Variants in MACROD2 observed in about 807,000 individuals in gnomAD.
MACROD2 encodes the protein mono-ADP ribosylhydrolase 2.
A neutral mutation model predicts 70.4 loss-of-function variants in MACROD2; 36 were observed. That is an observed-to-expected ratio of 0.51 (90% CI 0.39 to 0.68). The LOEUF is 0.68. Ranked by LOEUF, MACROD2 falls within the 30% of genes least tolerant of loss-of-function variation. The pLI is 0.00. For missense variants in MACROD2, 496 were observed against 538.4 expected (o/e 0.92, Z 0.78); for synonymous variants, 172 against 178.8 (o/e 0.96, Z 0.30).
At chr20:14,373,318 G>T (rs1020933123) in intron 3 of MACROD2, among the ~76,000 whole-genome samples, 1 of 152,034 alleles carries the variant, frequency 6.6e-6, no homozygotes. Context: ...TTTTTAATAT[G>T]AGATGAAATG....
intron 15 of MACROD2, among the ~76,000 whole-genome samples, chr20:16,040,671 C>T (rs1251137553): frequency 2.0e-5 from 3 of 151,886 alleles, no homozygotes; most frequent in African/African-American, 4.8e-5. Context: ...CTCAGCAATC[C>T]GAAATGGCAG....
intron 5 of MACROD2, among the ~76,000 whole-genome samples, chr20:14,745,077 T>G (rs1338510652): frequency 2.0e-5 from 3 of 152,180 alleles, no homozygotes; most frequent in African/African-American, 7.2e-5. Flanking sequence ...ATTAGATTTC[T>G]TCTGAATCAT....
intron 3 of MACROD2, among the ~76,000 whole-genome samples, chr20:14,466,628 G>A (rs557309200): frequency 8.6e-5 from 13 of 152,046 alleles, no homozygotes; most frequent in African/African-American, 7.2e-5. Flanking sequence ...TAGAGTTTCC[G>A]GTTTTTCTGC....
chr20:14,788,297 G>T (rs2072399813), intron 5 of MACROD2, among the ~76,000 whole-genome samples: 1 of 151,992 alleles, frequency 6.6e-6, no homozygotes, highest in African/African-American at 2.4e-5. Flanking sequence ...TATTAAGAAG[G>T]ACTGTGGCCC....
At chr20:15,914,805 C>A (rs779424563) in intron 10 of MACROD2, among the ~76,000 whole-genome samples, 18 of 152,178 alleles carry the variant, frequency 1.2e-4, no homozygotes, top group Non-Finnish European at 2.2e-4. Context: ...GTCCAGGCAA[C>A]CTGTACTTCT....
At chr20:15,164,414 A>G (rs6034118) in intron 5 of MACROD2, among the ~76,000 whole-genome samples, 2,437 of 152,270 alleles carry the variant, frequency 0.016, 57 homozygotes, top group African/African-American at 0.055. Flanking sequence ...AACCAACCCC[A>G]CAAAGACAGG....
At chr20:15,086,828 C>A (rs2075752357) in intron 5 of MACROD2, among the ~76,000 whole-genome samples, 1 of 152,022 alleles carries the variant, frequency 6.6e-6, no homozygotes, top group Admixed American at 6.6e-5. Context: ...AGTTCAAGAT[C>A]CCCCGCTTAC....
intron 2 of MACROD2, among the ~76,000 whole-genome samples, chr20:14,076,037 A>C (rs1156424972): frequency 6.6e-6 from 1 of 152,230 alleles, no homozygotes; most frequent in Admixed American, 6.5e-5. Flanking sequence ...AATTTGTTCC[A>C]TTTATCAAGA....
chr20:15,597,821 G>A (rs6079899), intron 8 of MACROD2, among the ~76,000 whole-genome samples: 13,828 of 152,270 alleles, frequency 0.091, 771 homozygotes, highest in East Asian at 0.19. Context: ...GCTCACGCCT[G>A]TAGTCCCAGC....
chr20:14,192,653 G>T (rs1385669357), intron 3 of MACROD2, among the ~76,000 whole-genome samples: 1 of 152,150 alleles, frequency 6.6e-6, no homozygotes. Context: ...TGCCCAAACA[G>T]GTGGATAATG....
chr20:14,086,118 T>C, intron 3 of MACROD2: 1 of 289,276 alleles, frequency 3.5e-6, no homozygotes, highest in Non-Finnish European at 7.1e-6. Context: ...TGTCAGGTGA[T>C]GATTGAACTA....
At chr20:14,209,199 C>T (rs1463736774) in intron 3 of MACROD2, among the ~76,000 whole-genome samples, 1 of 152,304 alleles carries the variant, frequency 6.6e-6, no homozygotes, top group African/African-American at 2.4e-5. Context: ...AGCTTACTTG[C>T]ATAATCATTT....
chr20:14,853,971 T>C (rs1344512987), intron 5 of MACROD2, among the ~76,000 whole-genome samples: 2 of 152,136 alleles, frequency 1.3e-5, no homozygotes, highest in African/African-American at 2.4e-5. Flanking sequence ...GTGTATTTTG[T>C]GTCTGTTAAG....
chr20:14,111,242 A>G (rs995800810), intron 3 of MACROD2, among the ~76,000 whole-genome samples: 1 of 151,892 alleles, frequency 6.6e-6, no homozygotes, highest in Non-Finnish European at 1.5e-5. Context: ...AAAGACTTAA[A>G]TCTGACTATG....
intron 6 of MACROD2, among the ~76,000 whole-genome samples, chr20:15,312,177 G>T (rs1283103077): frequency 6.6e-6 from 1 of 152,160 alleles, no homozygotes; most frequent in Non-Finnish European, 1.5e-5. Context: ...AAAACTACTT[G>T]TAGGAATTTA....
intron 5 of MACROD2, among the ~76,000 whole-genome samples, chr20:15,072,074 T>G (rs2075623173): frequency 6.6e-6 from 1 of 152,214 alleles, no homozygotes; most frequent in South Asian, 2.1e-4. Flanking sequence ...CTCTTAAAAC[T>G]GACATTACTT....
intron 8 of MACROD2, among the ~76,000 whole-genome samples, chr20:15,656,253 G>C (rs2049728984): frequency 6.6e-6 from 1 of 152,082 alleles, no homozygotes; most frequent in African/African-American, 2.4e-5. Context: ...TTGATAACAG[G>C]GCTAACTAGT....
intron 3 of MACROD2, among the ~76,000 whole-genome samples, chr20:14,434,463 C>G (rs2084032509): frequency 6.6e-6 from 1 of 151,550 alleles, no homozygotes; most frequent in East Asian, 2.0e-4. Flanking sequence ...ACTCTCATAA[C>G]ACTTCTACCT....
At chr20:15,053,567 TA>T (rs958915389) in intron 5 of MACROD2, among the ~76,000 whole-genome samples, 42 of 149,688 alleles carry the variant, frequency 2.8e-4, no homozygotes, top group South Asian at 8.5e-4. Context: ...TACTGCTGAT[TA>T]AAAAAAAAAG....
Sources: allele counts gnomAD v4.1 joint callset (sites outside exome capture counted in the v4.1 genomes callset), GRCh38; gene constraint gnomAD v4.1.1; transcripts MANE v1.5; gene names NCBI Gene and HGNC (gene_info 2026-07-23, HGNC 2026-07-21).